The following PTPN3 variants were observed in gnomAD, a reference collection of about 807,000 sequenced individuals.
PTPN3 encodes the protein tyrosine-protein phosphatase non-receptor type 3.
In PTPN3, 96 loss-of-function variants were observed where a neutral mutation model predicts 132.7. The observed-to-expected ratio is 0.72, with a 90% CI of 0.61 to 0.86. The LOEUF is 0.86. Ranked by LOEUF, PTPN3 falls within the 40% of genes least tolerant of loss-of-function variation. The pLI, the probability that PTPN3 is intolerant of heterozygous loss-of-function variation, is 0.00. For synonymous variants in PTPN3, 398 were observed against 429.0 expected (o/e 0.93, Z 0.89); for missense variants, 1,125 against 1,159.6 (o/e 0.97, Z 0.43).
Position 109,445,164 on chromosome 9 carries a change from G to A in PTPN3, c.466+76C>T, listed in dbSNP as rs1844763480. On this transcript the variant is annotated intron_variant, in intron 7 of 25. Transcript: ENST00000374541. ...TGGGGAAGAGGGACTTGGTCAAGCA[G>A]GAGGAACCAGTGACTTTCTCCACAC... 9 of 1,461,096 alleles carry A rather than the reference G, an allele frequency of 6.2e-6. No individual in the cohort carries two copies. In the South Asian group the frequency reaches 1.0e-4, roughly 17 times the overall value. 90.5% of individuals were successfully genotyped at this position (1,461,096 alleles called of 1,614,324 possible).
intron 13 of PTPN3, among the ~76,000 whole-genome samples, chr9:109,421,431 C>T (rs1372389069): frequency 1.3e-5 from 2 of 152,182 alleles, no homozygotes; most frequent in Non-Finnish European, 2.9e-5. Context: ...TTGCAATCCC[C>T]CTGGGCCTGG....
chr9:109,508,085 G>T, the PTPN3 span, among the ~76,000 whole-genome samples: 2 of 151,742 alleles, frequency 1.3e-5, no homozygotes, highest in Non-Finnish European at 2.9e-5. Flanking sequence ...CTCAGAAACT[G>T]CCTCTTCCCC....
intron 22 of PTPN3, among the ~76,000 whole-genome samples, chr9:109,388,634 C>G (rs1270656898): frequency 6.6e-6 from 1 of 152,120 alleles, no homozygotes; most frequent in Non-Finnish European, 1.5e-5. Flanking sequence ...TTCTCCCAAG[C>G]TGGAAAAAGC....
At chr9:109,396,741 A>G (rs1438310994) in intron 19 of PTPN3, among the ~76,000 whole-genome samples, 1 of 152,198 alleles carries the variant, frequency 6.6e-6, no homozygotes, top group Non-Finnish European at 1.5e-5. Flanking sequence ...GCCTCCAAAG[A>G]CAAAAAATTT....
At chr9:109,401,330 A>G (rs1841078553) in intron 19 of PTPN3, among the ~76,000 whole-genome samples, 1 of 152,224 alleles carries the variant, frequency 6.6e-6, no homozygotes, top group South Asian at 2.1e-4. Context: ...ATCAGTATCT[A>G]GGTCCCATCC....
intron 4 of PTPN3, 140 bp downstream of exon 4, chr9:109,457,033 G>A: frequency 6.3e-6 from 5 of 795,060 alleles, no homozygotes; most frequent in Non-Finnish European, 1.0e-5. Flanking sequence ...GTCAGACAGG[G>A]AGAAGTCGGC....
chr9:109,419,779 T>C (rs570008273), intron 14 of PTPN3, among the ~76,000 whole-genome samples: 3 of 152,262 alleles, frequency 2.0e-5, no homozygotes, highest in Admixed American at 6.5e-5. Flanking sequence ...ATATATCCTA[T>C]TGAATAACAA....
chr9:109,379,272 T>C lies in PTPN3; in HGVS notation c.*284A>G, dbSNP rs962084411. ...TCCAGGATGCCGACAGGGGTGTGTG[T>C]GGTGATGTTAGGGAAGAAGGCATTA... On this transcript the variant is annotated 3_prime_UTR_variant, in exon 26 of 26. Transcript: ENST00000374541. The C allele has an allele frequency of 2.7e-6, 1 of 375,684 alleles. No individual in the cohort carries two copies. Among genetic ancestry groups the C allele is most frequent in the South Asian group, 3.9e-5 (1 of 25,794 alleles). 23.3% of individuals were successfully genotyped at this position (375,684 alleles called of 1,614,324 possible).
chr9:109,381,094 T>A (rs1370187548), intron 25 of PTPN3, among the ~76,000 whole-genome samples: 1 of 152,192 alleles, frequency 6.6e-6, no homozygotes, highest in African/African-American at 2.4e-5. Context: ...GTTCAGGACT[T>A]ATGCAAAGGT....
At chr9:109,473,489 CA>C (rs1301468514) in intron 1 of PTPN3, among the ~76,000 whole-genome samples, 1 of 152,086 alleles carries the variant, frequency 6.6e-6, no homozygotes, top group Non-Finnish European at 1.5e-5. Context: ...TTGATCCTGG[CA>C]GGGTAAGAAG....
chr9:109,388,000 T>C (rs1433737241), intron 22 of PTPN3, among the ~76,000 whole-genome samples: 1 of 152,208 alleles, frequency 6.6e-6, no homozygotes, highest in Non-Finnish European at 1.5e-5. Flanking sequence ...AGGCTCTCTC[T>C]GCACTTGCAG....
intron 18 of PTPN3, among the ~76,000 whole-genome samples, chr9:109,405,486 T>TAAC (rs949955222): frequency 2.0e-5 from 3 of 152,242 alleles, no homozygotes; most frequent in African/African-American, 7.2e-5. Context: ...TATTATTTTA[T>TAAC]AACAACAACT....
the PTPN3 span, among the ~76,000 whole-genome samples, chr9:109,524,243 CA>C: frequency 6.7e-6 from 1 of 150,072 alleles, no homozygotes; most frequent in Admixed American, 6.6e-5. Context: ...GACCTTGTCT[CA>C]AAAAAAAACC....
chr9:109,449,594 G>A, intron 5 of PTPN3: 1 of 985,470 alleles, frequency 1.0e-6, no homozygotes, highest in Non-Finnish European at 1.2e-6. Flanking sequence ...CGGCAGCATT[G>A]CGCAGGTCAG....
At chr9:109,434,925 C>T (rs569864868) in intron 9 of PTPN3, among the ~76,000 whole-genome samples, 13 of 152,070 alleles carry the variant, frequency 8.5e-5, no homozygotes, top group Admixed American at 6.6e-5. Flanking sequence ...GTTAGAGAAA[C>T]GGGACAAACA....
In PTPN3 at chr9:109,414,759, G is replaced by A. The variant is rs149631078; in HGVS notation, c.1314-4344C>T. Among the ~76,000 whole-genome samples the A allele has an allele frequency of 4.8e-3, 737 of 152,204 alleles. 3 individuals are homozygous for A. Among genetic ancestry groups the A allele is most frequent in the African/African-American group, 0.017 (711 of 41,528 alleles). The stretch of plus-strand genomic sequence containing the variant: ...GGCAAGAAAGCACTTGCTAAACCTC[G>A]GTCAATTCATCCCTGAATTCTCTGA... On this transcript the variant is annotated intron_variant, in intron 14 of 25. Transcript: ENST00000374541.
chr9:109,398,666 CA>C (rs1403561166), intron 19 of PTPN3, among the ~76,000 whole-genome samples: 1 of 152,128 alleles, frequency 6.6e-6, no homozygotes. Context: ...TCTTAACTAA[CA>C]GTGGGCAAGG....
At chr9:109,501,321 T>A (rs1267824462), upstream of PTPN3, among the ~76,000 whole-genome samples, 1 of 152,192 alleles carries the variant, frequency 6.6e-6, no homozygotes, top group Non-Finnish European at 1.5e-5. Flanking sequence ...TGAACACAAG[T>A]CAATCTGATC....
the PTPN3 span, among the ~76,000 whole-genome samples, chr9:109,508,274 C>T: frequency 1.3e-5 from 2 of 151,978 alleles, no homozygotes; most frequent in African/African-American, 4.8e-5. Context: ...CATTCTCCTG[C>T]CTCAGCGTCC....
Sources: gnomAD v4.1 joint callset for allele counts (sites outside exome capture counted in the v4.1 genomes callset) on GRCh38, gnomAD v4.1.1 for gene constraint, MANE v1.5 for transcripts, NCBI Gene and HGNC (gene_info 2026-07-23, HGNC 2026-07-21) for gene names.